NACC2: variants seen among roughly 807,000 people sequenced by gnomAD.
The protein encoded by NACC2 is nucleus accumbens-associated protein 2.
A neutral mutation model predicts 25.1 loss-of-function variants in NACC2; 8 were observed. That is an observed-to-expected ratio of 0.32 (90% confidence interval 0.19 to 0.57). NACC2 has a LOEUF of 0.57. NACC2 is among the 20% of genes least tolerant of loss of function. The pLI is 0.89. For synonymous variants in NACC2, 435 were observed against 294.7 expected (o/e 1.48, Z -4.88); for missense variants, 644 against 650.2 (o/e 0.99, Z 0.10).
In NACC2 at chr9:136,009,524, C is replaced by CCT. The variant is rs1228650606; in HGVS notation, c.*1990_*1991dup. 2.0e-5 allele frequency: 3 copies of CCT among 152,358 alleles called. No individual in the cohort carries two copies. The highest frequency in any genetic ancestry group is 1.5e-5 in the Non-Finnish European group (1 of 68,126). 9.4% of individuals were successfully genotyped at this position (152,358 alleles called of 1,614,324 possible). ...CACAGTGCCTGCCCATGGTCCCCCA[C>CCT]CTCCTTCTGGAAAGCAACGTATTTT... is the stretch of plus-strand genomic sequence containing the variant. On this transcript the variant is annotated 3_prime_UTR_variant, in exon 6 of 6. Coordinates refer to ENST00000277554, the MANE Select transcript of NACC2 (RefSeq NM_144653.5).
At chr9:136,049,040 A>G (rs1053791964) in intron 2 of NACC2, among the ~76,000 whole-genome samples, 5 of 152,326 alleles carry the variant, frequency 3.3e-5, no homozygotes, top group African/African-American at 1.2e-4. Context: ...AAGCCTGAAC[A>G]GTCTCCAGAG....
intron 2 of NACC2, among the ~76,000 whole-genome samples, chr9:136,026,658 A>G (rs1840396534): frequency 6.6e-6 from 1 of 152,250 alleles, no homozygotes. Context: ...TGACAAAGGC[A>G]CGTCTAGTGG....
rs990948610 is a variant in NACC2 at position 136,022,732 on chromosome 9, T to C, written c.887-6303A>G. On this transcript the variant is annotated intron_variant, in intron 2 of 5. Coordinates refer to ENST00000277554, the MANE Select transcript of NACC2 (RefSeq NM_144653.5). This position sits in a 1 kb window ranked among gnomAD's most constrained non-coding sequence, Gnocchi z 4.4. ...CCAGTGCTGGCTGGGGCAGTGCCTC[T>C]GTCATCCTCCAGAAAGACCAGAAAC... Among the ~76,000 whole-genome samples, 2 of 152,076 alleles carry C rather than the reference T, an allele frequency of 1.3e-5. No individual in the cohort carries two copies. Among genetic ancestry groups the C allele is most frequent in the African/African-American group, 4.8e-5 (2 of 41,414 alleles).
intron 1 of NACC2, among the ~76,000 whole-genome samples, chr9:136,067,219 C>T (rs1393424428): frequency 2.7e-5 from 4 of 146,472 alleles, no homozygotes; most frequent in Admixed American, 7.0e-5. Context: ...GCACCAAGAT[C>T]GCACACAGCC....
In NACC2 at chr9:136,020,402, A is replaced by C. The variant is rs1304822195; in HGVS notation, c.887-3973T>G. On this transcript the variant is annotated intron_variant, in intron 2 of 5. Coordinates refer to ENST00000277554, the MANE Select transcript of NACC2 (RefSeq NM_144653.5). The surrounding 1 kb of genome is among the most constrained non-coding windows in gnomAD (Gnocchi z 4.7). ...GATGGCGAGCCCTGTTCCTGTCCCC[A>C]AGGCAGAGTGTGTCATCGGGGACTC... Among the ~76,000 whole-genome samples the C allele has an allele frequency of 2.0e-5, 3 of 151,892 alleles. No homozygotes were observed. Among genetic ancestry groups the C allele is most frequent in the African/African-American group, 7.3e-5 (3 of 41,318 alleles).
intron 2 of NACC2, among the ~76,000 whole-genome samples, chr9:136,023,407 C>T (rs1249219594): frequency 6.6e-6 from 1 of 152,096 alleles, no homozygotes; most frequent in African/African-American, 2.4e-5. Flanking sequence ...CTGGGCTTCT[C>T]GACCAGCTCA....
At chr9:136,021,026 T>C (rs1414819165) in intron 2 of NACC2, among the ~76,000 whole-genome samples, 2 of 152,092 alleles carry the variant, frequency 1.3e-5, no homozygotes, top group African/African-American at 4.8e-5. Context: ...ACAATGGAAA[T>C]GATTGACGAG....
intron 2 of NACC2, among the ~76,000 whole-genome samples, chr9:136,024,707 C>T (rs1840360340): frequency 6.6e-6 from 1 of 152,190 alleles, no homozygotes; most frequent in Non-Finnish European, 1.5e-5. Flanking sequence ...TTTTAAAACG[C>T]CCCAGAGATT....
Position 136,084,409 on chromosome 9 carries a change from G to A in NACC2, c.-60+10780C>T, listed in dbSNP as rs1419892862. 1.3e-5 allele frequency among the ~76,000 whole-genome samples: 2 copies of A among 152,076 alleles called. No homozygotes were observed. The highest frequency in any genetic ancestry group is 2.4e-5 in the African/African-American group (1 of 41,378). On this transcript the variant is annotated intron_variant, in intron 1 of 5. Transcript: ENST00000277554. This position sits in a 1 kb window ranked among gnomAD's most constrained non-coding sequence, Gnocchi z 5.1. ...CACAGACACCTCCTACGCAATGTCC[G>A]GTCTCCGCTGGTGGGGCAACGTCCA...
At chr9:136,033,897 GTGT>G (rs1840512494) in intron 2 of NACC2, among the ~76,000 whole-genome samples, 4 of 20,302 alleles carry the variant, frequency 2.0e-4, no homozygotes, top group Non-Finnish European at 3.5e-4. Context: ...TCCAGCAGGT[GTGT>G]GTGTGTGTGT....
In NACC2 at chr9:136,093,493, C is replaced by T. The variant is rs1830454204; in HGVS notation, c.-60+1696G>A. Among the ~76,000 whole-genome samples, 9 of 152,184 alleles carry T rather than the reference C, an allele frequency of 5.9e-5. No individual in the cohort carries two copies. In the South Asian group the frequency reaches 1.7e-3, roughly 28 times the overall value. On this transcript the variant is annotated intron_variant, in intron 1 of 5. Coordinates refer to ENST00000277554, the MANE Select transcript of NACC2 (RefSeq NM_144653.5). ...CCCGGGTGGCTCCTCCCCGCCTTCC[C>T]GCCAGGCCAGGGCCAGCACCATCGA...
chr9:136,088,164 T>C (rs554954749), intron 1 of NACC2, among the ~76,000 whole-genome samples: 4 of 152,286 alleles, frequency 2.6e-5, no homozygotes, highest in Non-Finnish European at 5.9e-5. Context: ...CCCTTGGCTG[T>C]GCAGGGTCAG....
chr9:136,082,001 G>A (rs1053297398), intron 1 of NACC2, among the ~76,000 whole-genome samples: 2 of 152,180 alleles, frequency 1.3e-5, no homozygotes, highest in Non-Finnish European at 2.9e-5. Context: ...CTGCAGCAAA[G>A]GCCAATCTGC....
At chr9:136,052,000 C>T (rs961778632) in intron 1 of NACC2, among the ~76,000 whole-genome samples, 5 of 152,180 alleles carry the variant, frequency 3.3e-5, no homozygotes, top group Admixed American at 6.5e-5. Context: ...CCGGCCCTCC[C>T]GGGCAGCGCA....
intron 1 of NACC2, among the ~76,000 whole-genome samples, chr9:136,077,287 G>A (rs149543742): frequency 0.018 from 2,731 of 152,236 alleles, 28 homozygotes; most frequent in Non-Finnish European, 0.028. Context: ...CCAAGATTGC[G>A]CCATTGCACT....
chr9:136,092,026 A>G (rs114459358), intron 1 of NACC2, among the ~76,000 whole-genome samples: 1 of 152,124 alleles, frequency 6.6e-6, no homozygotes, highest in Non-Finnish European at 1.5e-5. Flanking sequence ...TGAAAGGGAA[A>G]CGAGATCCAC....
intron 2 of NACC2, among the ~76,000 whole-genome samples, chr9:136,041,351 C>T (rs1427478238): frequency 1.3e-5 from 2 of 150,762 alleles, no homozygotes; most frequent in Non-Finnish European, 2.9e-5. Context: ...ACCCAGGAGG[C>T]GGAGGCTGCA....
intron 1 of NACC2, among the ~76,000 whole-genome samples, chr9:136,061,827 G>A (rs542703526): frequency 2.0e-5 from 3 of 152,242 alleles, no homozygotes; most frequent in African/African-American, 7.2e-5. Context: ...AGGCCATTAC[G>A]AAAAGTTGGT....
chr9:136,063,127 G>T, intron 1 of NACC2, among the ~76,000 whole-genome samples: 1 of 152,300 alleles, frequency 6.6e-6, no homozygotes, highest in East Asian at 1.9e-4. Context: ...TTGTGGGCCA[G>T]GTCTGTCGAT....
Sources: gnomAD v4.1 joint callset for allele counts (sites outside exome capture counted in the v4.1 genomes callset) on GRCh38, gnomAD v4.1.1 for gene constraint, Gnocchi (gnomAD v3.1) non-coding constraint, MANE v1.5 for transcripts, NCBI Gene and HGNC (gene_info 2026-07-23, HGNC 2026-07-21) for gene names.